RGL1: variants seen among roughly 807,000 people sequenced by gnomAD.
RGL1 encodes the protein ral guanine nucleotide dissociation stimulator like 1, also known as ral guanine nucleotide dissociation stimulator-like 1.
RGL1 carries 24 observed loss-of-function variants against 95.2 expected under a neutral mutation model. That is an observed-to-expected ratio of 0.25 (90% CI 0.18 to 0.35). The LOEUF (loss-of-function observed/expected upper bound fraction) is 0.35. Ranked by LOEUF, RGL1 falls within the 10% of genes least tolerant of loss-of-function variation. The pLI is 1.00. For synonymous variants in RGL1, 329 were observed against 344.9 expected (o/e 0.95, Z 0.51); for missense variants, 715 against 936.3 (o/e 0.76, Z 3.08).
At chr1:183,661,675 A>G (rs1476447942) in intron 1 of RGL1, among the ~76,000 whole-genome samples, 1 of 148,086 alleles carries the variant, frequency 6.8e-6, no homozygotes, top group Non-Finnish European at 1.5e-5. Context: ...TCCAATCAAT[A>G]GAAAAGAGGG....
intron 3 of RGL1, among the ~76,000 whole-genome samples, chr1:183,863,441 T>C (rs1231228902): frequency 6.6e-6 from 1 of 152,106 alleles, no homozygotes; most frequent in Non-Finnish European, 1.5e-5. Context: ...GTAGCTGGGA[T>C]TGCAGACATG....
intron 4 of RGL1, among the ~76,000 whole-genome samples, chr1:183,878,198 G>A (rs866453131): frequency 1.3e-4 from 18 of 139,126 alleles, no homozygotes; most frequent in African/African-American, 2.6e-4. Flanking sequence ...CTATCTATCT[G>A]TCTATCTTTT....
At chr1:183,660,857 C>G (rs1651566682) in intron 1 of RGL1, among the ~76,000 whole-genome samples, 1 of 152,210 alleles carries the variant, frequency 6.6e-6, no homozygotes, top group Admixed American at 6.5e-5. Context: ...AACAAACTGT[C>G]TCTCAGACCA....
Position 183,724,733 on chromosome 1 carries a change from G to T in RGL1, c.-32-17393G>T, listed in dbSNP as rs1656211389. 6.6e-6 allele frequency among the ~76,000 whole-genome samples: 1 copy of T among 152,068 alleles called. No individual in the cohort carries two copies. Among genetic ancestry groups the T allele is most frequent in the Admixed American group, 6.6e-5 (1 of 15,264 alleles). The stretch of plus-strand genomic sequence containing the variant: ...GTATCTCTGGACCTGCCTGGGGCCT[G>T]GGGGGAGCTTGCCATCCTTAAGCGA... On this transcript the variant is annotated intron_variant, in intron 1 of 18. Transcript: ENST00000304685. The surrounding 1 kb of genome is among the most constrained non-coding windows in gnomAD (Gnocchi z 4.1).
At chr1:183,717,859 C>G (rs1361018134) in intron 1 of RGL1, among the ~76,000 whole-genome samples, 2 of 152,190 alleles carry the variant, frequency 1.3e-5, no homozygotes. Context: ...GGTATGAGCA[C>G]AGAAGAAGTC....
At chr1:183,891,595 A>C (rs1430707451) in intron 8 of RGL1, among the ~76,000 whole-genome samples, 1 of 152,058 alleles carries the variant, frequency 6.6e-6, no homozygotes, top group Non-Finnish European at 1.5e-5. Flanking sequence ...GAGCCAGAAA[A>C]TTTGGCTTCC....
rs1362000406 is a variant in RGL1 at position 183,782,506 on chromosome 1, A to G, written c.133-23869A>G. 4.6e-5 allele frequency among the ~76,000 whole-genome samples: 7 copies of G among 152,212 alleles called. No homozygotes were observed. The East Asian group carries it at 1.3e-3, about 29-fold the overall frequency. ...ATTTTTGAGGTCTGTTTGGCATCAT[A>G]GAACTTGCAACTATTGTGTCTTCAT... On this transcript the variant is annotated intron_variant, in intron 2 of 18. Coordinates refer to the RGL1 transcript ENST00000304685.
Position 183,696,944 on chromosome 1 carries a change from A to G in RGL1, c.-32-45182A>G, listed in dbSNP as rs115030500. ...CTTGAACTATTCTAGTTGCCTCCTA[A>G]TTGGCCTCCCTGCTTTCATTGTTGG... On this transcript the variant is annotated intron_variant, in intron 1 of 18. Transcript: ENST00000304685. 8.6e-3 allele frequency among the ~76,000 whole-genome samples: 1,305 copies of G among 152,238 alleles called. 23 individuals are homozygous for G. The highest frequency in any genetic ancestry group is 0.029 in the African/African-American group (1,216 of 41,532).
chr1:183,680,850 T>A (rs1480613858), intron 1 of RGL1, among the ~76,000 whole-genome samples: 2 of 152,232 alleles, frequency 1.3e-5, no homozygotes, highest in African/African-American at 4.8e-5. Context: ...CTCTCTTATT[T>A]CCTTGAGCAG....
intron 3 of RGL1, among the ~76,000 whole-genome samples, chr1:183,857,807 C>T (rs4650644): frequency 0.7 from 106,170 of 152,076 alleles, 39,340 homozygotes; most frequent in East Asian, 0.87. Context: ...GTGGACCCAA[C>T]TGTCACCTGC....
intron 1 of RGL1, among the ~76,000 whole-genome samples, chr1:183,666,005 C>CTTTTTT (rs746295660): frequency 1.5e-5 from 2 of 130,714 alleles, no homozygotes; most frequent in Admixed American, 7.7e-5. Flanking sequence ...TTCTTTTTTT[C>CTTTTTT]TTTTTTTTTT....
At chr1:183,658,595 C>G (rs1651369592) in intron 1 of RGL1, among the ~76,000 whole-genome samples, 1 of 152,214 alleles carries the variant, frequency 6.6e-6, no homozygotes, top group African/African-American at 2.4e-5. Context: ...CTCAAGGAGG[C>G]CTGCCTGCCT....
chr1:183,783,875 G>A (rs1284484922), intron 2 of RGL1, among the ~76,000 whole-genome samples: 1 of 152,144 alleles, frequency 6.6e-6, no homozygotes, highest in Non-Finnish European at 1.5e-5. Context: ...GGAATGGAAT[G>A]GGAAAAAGAC....
chr1:183,686,281 G>C (rs1454227845), intron 1 of RGL1, among the ~76,000 whole-genome samples: 1 of 152,022 alleles, frequency 6.6e-6, no homozygotes, highest in Non-Finnish European at 1.5e-5. Flanking sequence ...TTAACCCCTG[G>C]AAATAATCAC....
intron 9 of RGL1, among the ~76,000 whole-genome samples, chr1:183,897,562 A>C (rs1457254150): frequency 1.3e-5 from 2 of 150,910 alleles, no homozygotes; most frequent in Non-Finnish European, 3.0e-5. Flanking sequence ...AAAAAAAAAA[A>C]CAAAGTTGGG....
chr1:183,752,099 G>T (rs574926566), intron 2 of RGL1, among the ~76,000 whole-genome samples: 87 of 152,248 alleles, frequency 5.7e-4, no homozygotes, highest in African/African-American at 2.1e-3. Context: ...GTTGATATGT[G>T]CAAGTTCTCT....
chr1:183,830,888 A>G (rs945524631), intron 2 of RGL1, among the ~76,000 whole-genome samples: 1 of 152,248 alleles, frequency 6.6e-6, no homozygotes, highest in Admixed American at 6.5e-5. Flanking sequence ...CAAGGTATCC[A>G]TGGAGTTTCG....
intron 1 of RGL1, among the ~76,000 whole-genome samples, chr1:183,720,552 T>G (rs1424165144): frequency 6.6e-6 from 1 of 152,244 alleles, no homozygotes; most frequent in Non-Finnish European, 1.5e-5. Flanking sequence ...TCAGTTTGCT[T>G]AAGTTGTCCA....
At chr1:183,851,406 C>T (rs959267627) in intron 3 of RGL1, among the ~76,000 whole-genome samples, 3 of 152,178 alleles carry the variant, frequency 2.0e-5, no homozygotes, top group Admixed American at 6.6e-5. Flanking sequence ...TACTTAACCT[C>T]CAGGGGCGCT....
Sources: allele counts gnomAD v4.1 joint callset (sites outside exome capture counted in the v4.1 genomes callset), GRCh38; gene constraint gnomAD v4.1.1; non-coding constraint Gnocchi (gnomAD v3.1); transcripts MANE v1.5; gene names NCBI Gene and HGNC (gene_info 2026-07-23, HGNC 2026-07-21).